Variants in CHN2 observed in about 807,000 individuals in gnomAD.
CHN2 encodes the protein chimerin 2, also known as beta-chimaerin.
Under a neutral mutation model 56.3 loss-of-function variants are expected in CHN2, and 35 were observed. The ratio of observed to expected loss-of-function variants is 0.62; its 90% CI spans 0.47 to 0.82. The LOEUF is 0.82. CHN2 is among the 40% of genes least tolerant of loss of function. CHN2 has a pLI of 0.00. For synonymous variants in CHN2, 210 were observed against 212.8 expected (o/e 0.99, Z 0.12); for missense variants, 491 against 580.5 (o/e 0.85, Z 1.58).
At chr7:29,308,771 T>G (rs920514497) in intron 1 of CHN2, among the ~76,000 whole-genome samples, 1 of 152,330 alleles carries the variant, frequency 6.6e-6, no homozygotes. Flanking sequence ...GTTCTGCCCT[T>G]CCTCAGAGAT....
intron 1 of CHN2, among the ~76,000 whole-genome samples, chr7:29,207,848 G>T (rs1185437507): frequency 6.6e-6 from 1 of 152,128 alleles, no homozygotes; most frequent in African/African-American, 2.4e-5. Context: ...TTGTTAGAAA[G>T]ACTTAAATTT....
At chr7:29,316,549 C>T (rs1011879706) in intron 1 of CHN2, among the ~76,000 whole-genome samples, 4 of 152,052 alleles carry the variant, frequency 2.6e-5, no homozygotes, top group Non-Finnish European at 4.4e-5. Flanking sequence ...TAGAAATTGT[C>T]GGAGGGAATG....
intron 12 of CHN2, among the ~76,000 whole-genome samples, chr7:29,512,102 C>G (rs905315269): frequency 6.6e-6 from 1 of 152,022 alleles, no homozygotes; most frequent in South Asian, 2.1e-4. Flanking sequence ...TCCTCTGGCA[C>G]CGGTCCTCCC....
chr7:29,510,645 T>G (rs1791202636), intron 12 of CHN2, among the ~76,000 whole-genome samples: 1 of 152,200 alleles, frequency 6.6e-6, no homozygotes, highest in African/African-American at 2.4e-5. Flanking sequence ...AACAGGCTTC[T>G]CTCAGAACAA....
chr7:29,475,927 G>T (rs751580842), intron 6 of CHN2, among the ~76,000 whole-genome samples: 1 of 152,198 alleles, frequency 6.6e-6, no homozygotes, highest in African/African-American at 2.4e-5. Flanking sequence ...TCATTTTGGG[G>T]TGATGAAATA....
intron 1 of CHN2, among the ~76,000 whole-genome samples, chr7:29,275,300 A>T (rs1791097400): frequency 6.6e-6 from 1 of 152,204 alleles, no homozygotes; most frequent in Non-Finnish European, 1.5e-5. Context: ...TCTCATCTGC[A>T]AAGTAGGATT....
At chr7:29,464,037 C>G (rs774898951) in intron 6 of CHN2, among the ~76,000 whole-genome samples, 1 of 152,182 alleles carries the variant, frequency 6.6e-6, no homozygotes, top group Non-Finnish European at 1.5e-5. Flanking sequence ...ACAGTGTCAC[C>G]CAGGACTTGT....
chr7:29,204,385 TAATACACATAATTTG>T (rs1371615591), intron 1 of CHN2, among the ~76,000 whole-genome samples: 2 of 152,226 alleles, frequency 1.3e-5, no homozygotes, highest in Non-Finnish European at 1.5e-5. Context: ...ATGTAGATAT[TAATACACATAATTTG>T]GCTGCCTAAT....
intron 3 of CHN2, among the ~76,000 whole-genome samples, chr7:29,388,292 G>A (rs1237345300): frequency 6.6e-6 from 1 of 152,110 alleles, no homozygotes; most frequent in Non-Finnish European, 1.5e-5. Context: ...GGAAAAAAAT[G>A]GCAAATAAAT....
At chr7:29,396,316 G>A (rs1801737119) in intron 4 of CHN2, among the ~76,000 whole-genome samples, 1 of 151,880 alleles carries the variant, frequency 6.6e-6, no homozygotes, top group Non-Finnish European at 1.5e-5. Flanking sequence ...AATTTGCCGG[G>A]CATGGTGGGG....
At position 29,207,957 on chromosome 7, in the gene CHN2, A is replaced by G. The variant is rs1362758603; in HGVS notation, c.49+12967A>G. On this transcript the variant is annotated intron_variant, in intron 1 of 12. Transcript: ENST00000222792. ...TTGATCAGATCACATGGAAAATATG[A>G]GTGATTATAAATAGTAAATTTTCTA... is the stretch of plus-strand genomic sequence containing the variant. Among the ~76,000 whole-genome samples the G allele has an allele frequency of 3.3e-5, 5 of 152,218 alleles. No homozygotes were observed. In the East Asian group the frequency reaches 9.6e-4, roughly 29 times the overall value.
chr7:29,334,825 C>T (rs1156828051), intron 1 of CHN2, among the ~76,000 whole-genome samples: 8 of 152,226 alleles, frequency 5.3e-5, no homozygotes, highest in South Asian at 2.1e-4. Context: ...CTAAGTGTAA[C>T]GGCTAGGGTC....
At chr7:29,416,859 C>T (rs1489047551) in intron 6 of CHN2, among the ~76,000 whole-genome samples, 2 of 152,152 alleles carry the variant, frequency 1.3e-5, no homozygotes, top group African/African-American at 4.8e-5. Flanking sequence ...GCACCTTAGG[C>T]GTTCTCTAAG....
intron 3 of CHN2, among the ~76,000 whole-genome samples, chr7:29,389,327 G>A (rs1245479597): frequency 2.6e-5 from 4 of 152,232 alleles, no homozygotes; most frequent in Admixed American, 6.5e-5. Context: ...AACTTATGCC[G>A]GTTTGCTGAA....
intron 4 of CHN2, chr7:29,396,650 T>G (rs1041120578): frequency 3.3e-5 from 5 of 152,316 alleles, no homozygotes; most frequent in African/African-American, 4.8e-5. Flanking sequence ...TTTCTACTTA[T>G]GTGTTGGAAT....
At chr7:29,346,641 A>G (rs1444464249) in intron 1 of CHN2, among the ~76,000 whole-genome samples, 1 of 152,186 alleles carries the variant, frequency 6.6e-6, no homozygotes, top group Non-Finnish European at 1.5e-5. Context: ...AAAATAGGTC[A>G]TCTTCAACTT....
At chr7:29,491,193 C>T (rs1585601996) in intron 7 of CHN2, among the ~76,000 whole-genome samples, 1 of 151,850 alleles carries the variant, frequency 6.6e-6, no homozygotes, top group East Asian at 1.9e-4. Context: ...TTCTTTCTTA[C>T]ATTTCTCTCA....
At position 29,400,632 on chromosome 7, in the gene CHN2, T is replaced by C; in HGVS notation, c.380T>C (p.Val127Ala). 1 of 1,614,162 alleles carries C rather than the reference T, an allele frequency of 6.2e-7. No individual in the cohort carries two copies. Among genetic ancestry groups the C allele is most frequent in the Non-Finnish European group, 8.5e-7 (1 of 1,180,024 alleles). ...AGGTTTGAGTCGATTCATGATCTGGTGACAGATGGCTTGATAACACTGTAC... is the reference window on the plus strand; with the variant it reads ...AGGTTTGAGTCGATTCATGATCTGGCGACAGATGGCTTGATAACACTGTAC... ...EKRFESIHDL[V>A]TDGLITLYIE... Residue 127 changes from valine to alanine, a missense_variant, in exon 6 of 13, where the codon GTG (valine) becomes GCG (alanine). Transcript: ENST00000222792.
chr7:29,147,906 C>T (rs1210085062), intron 2 of CHN2, among the ~76,000 whole-genome samples: 1 of 152,184 alleles, frequency 6.6e-6, no homozygotes, highest in Non-Finnish European at 1.5e-5. Context: ...CAGATTGAAA[C>T]TTTGGATGAT....
Sources: allele counts gnomAD v4.1 joint callset (sites outside exome capture counted in the v4.1 genomes callset), GRCh38; gene constraint gnomAD v4.1.1; transcripts MANE v1.5; gene names NCBI Gene and HGNC (gene_info 2026-07-23, HGNC 2026-07-21).